ATP11A: variants seen among roughly 807,000 people sequenced by gnomAD.
ATP11A encodes phospholipid-transporting ATPase IH.
In ATP11A, 81 loss-of-function variants were observed where a neutral mutation model predicts 154.4. The ratio of observed to expected loss-of-function variants is 0.52; its 90% confidence interval spans 0.44 to 0.63. ATP11A has a LOEUF of 0.63. ATP11A is among the 30% of genes least tolerant of loss of function. ATP11A has a pLI of 0.00. For missense variants in ATP11A, 1,316 were observed against 1,474.3 expected (o/e 0.89, Z 1.76); for synonymous variants, 623 against 585.9 (o/e 1.06, Z -0.91).
chr13:112,738,044 C>T (rs1250771822), intron 1 of ATP11A, among the ~76,000 whole-genome samples: 3 of 152,160 alleles, frequency 2.0e-5, no homozygotes, highest in South Asian at 2.1e-4. Context: ...TGTTCAGCGC[C>T]GGCTTCCCAA....
At chr13:112,811,161 AACACACACACACACACACACAC>A (rs10695491) in intron 5 of ATP11A, among the ~76,000 whole-genome samples, 9 of 115,582 alleles carry the variant, frequency 7.8e-5, no homozygotes, top group African/African-American at 3.2e-4. Context: ...TGCCCCTTCC[AACACACACACACACACACACAC>A]ACACACACAC....
chr13:112,716,566 C>T (rs114802359), intron 1 of ATP11A, among the ~76,000 whole-genome samples: 2,018 of 152,278 alleles, frequency 0.013, 50 homozygotes, highest in African/African-American at 0.047. Flanking sequence ...TGGGGCGTTC[C>T]CCACCTTCCA....
Position 112,859,279 on chromosome 13 carries a change from C to A in ATP11A, c.2668-114C>A. 1 of 827,840 alleles carries A rather than the reference C, an allele frequency of 1.2e-6. No homozygotes were observed. The highest frequency in any genetic ancestry group is 2.1e-6 in the Non-Finnish European group (1 of 468,102). 51.3% of individuals were successfully genotyped at this position (827,840 alleles called of 1,614,324 possible). On this transcript the variant is annotated intron_variant, in intron 22 of 29. Transcript: ENST00000375645. This position sits in a 1 kb window ranked among gnomAD's most constrained non-coding sequence, Gnocchi z 4.3. ...CTAGAACCCATTAGTGCTGTTCTGC[C>A]GCACGCTGGGTGCACGTGGATCCCT...
At chr13:112,814,254 G>T (rs1782679056) in intron 5 of ATP11A, among the ~76,000 whole-genome samples, 1 of 151,864 alleles carries the variant, frequency 6.6e-6, no homozygotes, top group Admixed American at 6.6e-5. Context: ...GTAGAGATGG[G>T]GTTTCACCAT....
chr13:112,859,460 C>T lies in ATP11A; in HGVS notation c.2727+8C>T. ...TGTGGGTTTTCACAACAGGTCAGTC[C>T]TAGGGTCTTCAGGGACAGGCTGTCT... On this transcript the variant is annotated splice_region_variant and intron_variant, in intron 23 of 29. Coordinates refer to ENST00000375645, the MANE Select transcript of ATP11A (RefSeq NM_015205.3). The surrounding 1 kb of genome is among the most constrained non-coding windows in gnomAD (Gnocchi z 4.3). 1.2e-6 allele frequency: 2 copies of T among 1,611,418 alleles called. No homozygotes were observed. Among genetic ancestry groups the T allele is most frequent in the Non-Finnish European group, 8.5e-7 (1 of 1,177,568 alleles).
intron 16 of ATP11A, among the ~76,000 whole-genome samples, chr13:112,837,186 C>T (rs570607432): frequency 6.0e-4 from 92 of 152,358 alleles, no homozygotes; most frequent in African/African-American, 2.2e-3. Context: ...AGAGCTCCCA[C>T]CGCCCCCTCT....
chr13:112,787,778 C>CA (rs1555325548), intron 2 of ATP11A, among the ~76,000 whole-genome samples: 10 of 105,854 alleles, frequency 9.4e-5, no homozygotes, highest in African/African-American at 2.9e-4. Context: ...TAATTCACAC[C>CA]GGTGTCCTGA....
At chr13:112,700,024 C>T (rs1886337450) in intron 1 of ATP11A, among the ~76,000 whole-genome samples, 1 of 148,492 alleles carries the variant, frequency 6.7e-6, no homozygotes, top group South Asian at 2.1e-4. Context: ...ATTTTTGTCA[C>T]ATCTCATGTG....
chr13:112,865,206 T>C (rs1260432074), intron 25 of ATP11A, among the ~76,000 whole-genome samples: 1 of 98,400 alleles, frequency 1.0e-5, no homozygotes, highest in African/African-American at 4.2e-5. Flanking sequence ...AGTAATTCAG[T>C]GCAGCACGTG....
chr13:112,854,336 C>G lies in ATP11A; in HGVS notation c.2049C>G (p.Val683=). ...IEALQKAGIK[V]WVLTGDKMET... ...CCCTGCAGAAGGCCGGGATCAAAGT[C>G]TGGGTTCTCACGGGAGACAAGATGG... Residue 683 remains valine (V), a synonymous_variant, in exon 19 of 30, where the codon GTC becomes GTG. Transcript: ENST00000375645. 6.2e-7 allele frequency: 1 copy of G among 1,614,156 alleles called. No individual in the cohort carries two copies. Among genetic ancestry groups the G allele is most frequent in the Non-Finnish European group, 8.5e-7 (1 of 1,180,040 alleles).
intron 25 of ATP11A, among the ~76,000 whole-genome samples, chr13:112,865,776 C>T (rs986675805): frequency 1.3e-5 from 2 of 152,238 alleles, no homozygotes; most frequent in Non-Finnish European, 2.9e-5. Flanking sequence ...GTCTCCATCT[C>T]CTGACCTCAG....
intron 1 of ATP11A, among the ~76,000 whole-genome samples, chr13:112,762,884 C>T (rs9603943): frequency 1.1e-4 from 17 of 152,348 alleles, no homozygotes; most frequent in African/African-American, 2.6e-4. Context: ...CCTTCCTCGC[C>T]GTGCGCGGCT....
rs368865 is a variant in ATP11A at position 112,825,506 on chromosome 13, A to T, written c.949A>T (p.Met317Leu). The part of the protein sequence containing the change: ...KALINTVLKY[M>L]WQSEPFRDEP... ...CCTGATAAACACTGTGCTGAAATAC[A>T]TGTGGCAGAGTGAGCCCTTTCGGGA... Residue 317 changes from methionine (M) to leucine (L), a missense_variant, in exon 11 of 30, where the codon ATG becomes TTG. Physicochemically the swap from Met to Leu is conservative, Grantham distance 15 (BLOSUM62 2). This residue lies in a region of ATP11A where 876 missense variants were observed against 1,006.8 expected (regional missense o/e 0.87). Coordinates refer to ENST00000375645, the MANE Select transcript of ATP11A (RefSeq NM_015205.3). 6.2e-7 allele frequency: 1 copy of T among 1,613,722 alleles called. No individual in the cohort carries two copies. Among genetic ancestry groups the T allele is most frequent in the East Asian group, 2.2e-5 (1 of 44,874 alleles).
intron 1 of ATP11A, among the ~76,000 whole-genome samples, chr13:112,707,790 C>G (rs1304438839): frequency 6.6e-6 from 1 of 152,144 alleles, no homozygotes; most frequent in Non-Finnish European, 1.5e-5. Context: ...CAGTGACAAC[C>G]GGCTCAGTGG....
At chr13:112,878,101 T>C in intron 28 of ATP11A, 116 bp from the exon 29 acceptor site, 2 of 979,666 alleles carry the variant, frequency 2.0e-6, no homozygotes, top group Non-Finnish European at 3.2e-6. Flanking sequence ...CTAACTCAGC[T>C]CTGTCTCTTG....
At chr13:112,783,388 G>A (rs769174171) in intron 1 of ATP11A, among the ~76,000 whole-genome samples, 9 of 152,202 alleles carry the variant, frequency 5.9e-5, no homozygotes, top group Non-Finnish European at 1.0e-4. Flanking sequence ...GTGCTGGGCC[G>A]GGCCCCTGGC....
chr13:112,744,567 C>T (rs1363008992), intron 1 of ATP11A, among the ~76,000 whole-genome samples: 3 of 152,234 alleles, frequency 2.0e-5, no homozygotes, highest in African/African-American at 7.2e-5. Context: ...CCTCCCTCCC[C>T]GGCCCTCTGC....
chr13:112,822,829 C>T lies in ATP11A; in HGVS notation c.726-516C>T, dbSNP rs549460036. Among the ~76,000 whole-genome samples the T allele has an allele frequency of 2.0e-5, 3 of 151,594 alleles. No individual in the cohort carries two copies. The East Asian group carries it at 5.8e-4, about 29-fold the overall frequency. ...CCACCCCTCTTTAGCCTTTCCAGAA[C>T]ATTCTGGGACCTTCCAGTGCAGCTG... is the stretch of plus-strand genomic sequence containing the variant. On this transcript the variant is annotated intron_variant, in intron 8 of 29. Transcript: ENST00000375645.
intron 1 of ATP11A, among the ~76,000 whole-genome samples, chr13:112,775,800 C>T (rs2077333870): frequency 6.6e-6 from 1 of 152,202 alleles, no homozygotes. Context: ...ACCAGGGAAG[C>T]CCAGCCCACA....
Sources: gnomAD v4.1 joint callset for allele counts (sites outside exome capture counted in the v4.1 genomes callset) on GRCh38, gnomAD v4.1.1 for gene constraint, gnomAD v4.1.1 regional missense constraint, Gnocchi (gnomAD v3.1) non-coding constraint, MANE v1.5 for transcripts, NCBI Gene and HGNC (gene_info 2026-07-23, HGNC 2026-07-21) for gene names.